SOX5: variants seen among roughly 807,000 people sequenced by gnomAD.
SOX5 encodes the protein SRY-box transcription factor 5.
A neutral mutation model predicts 92.0 loss-of-function variants in SOX5; 9 were observed. That is an observed-to-expected ratio of 0.10 (90% CI 0.06 to 0.17). The LOEUF is 0.17. Ranked by LOEUF, SOX5 falls within the 10% of genes least tolerant of loss-of-function variation. The pLI, the probability that SOX5 is intolerant of heterozygous loss-of-function variation, is 1.00. For missense variants in SOX5, 642 were observed against 944.5 expected, an observed-to-expected ratio of 0.68 and a Z score of 4.20; for synonymous variants, 344 against 336.3, an observed-to-expected ratio of 1.02 and a Z score of -0.25.
intron 1 of SOX5, among the ~76,000 whole-genome samples, chr12:24,540,950 T>C (rs1952068929): frequency 6.6e-6 from 1 of 152,184 alleles, no homozygotes; most frequent in Non-Finnish European, 1.5e-5. Context: ...TTGCAAAATA[T>C]CATATATAAT....
At chr12:24,336,440 T>A (rs191938137) in intron 2 of SOX5, among the ~76,000 whole-genome samples, 3 of 152,098 alleles carry the variant, frequency 2.0e-5, no homozygotes. Context: ...CATCAGACAA[T>A]CATTCAACAC....
chr12:24,187,671 C>T (rs563537773), intron 4 of SOX5, among the ~76,000 whole-genome samples: 1 of 152,272 alleles, frequency 6.6e-6, no homozygotes, highest in Non-Finnish European at 1.5e-5. Flanking sequence ...TATTATCACC[C>T]CTTCCTAACA....
intron 4 of SOX5, among the ~76,000 whole-genome samples, chr12:24,057,785 C>T (rs11047241): frequency 0.27 from 40,803 of 151,974 alleles, 5,978 homozygotes; most frequent in African/African-American, 0.35. Flanking sequence ...TTGGAAAAAG[C>T]ATGTCAATAG....
intron 2 of SOX5, among the ~76,000 whole-genome samples, chr12:24,310,240 A>C (rs1949041669): frequency 6.6e-6 from 1 of 152,190 alleles, no homozygotes; most frequent in Non-Finnish European, 1.5e-5. Flanking sequence ...TCAGGTGCAA[A>C]ATCACGGATA....
chr12:23,923,417 T>C (rs1939039937), intron 1 of SOX5, among the ~76,000 whole-genome samples: 1 of 152,112 alleles, frequency 6.6e-6, no homozygotes, highest in Non-Finnish European at 1.5e-5. Context: ...AGGTAGGGAA[T>C]CGGTAGACAA....
In SOX5 at chr12:23,981,920, T is replaced by A. The variant is rs377082591; in HGVS notation, c.-1-85896A>T. 1.2e-4 allele frequency among the ~76,000 whole-genome samples: 18 copies of A among 152,288 alleles called. 1 individual carries two copies. In the East Asian group the frequency reaches 3.3e-3, roughly 28 times the overall value. On this transcript the variant is annotated intron_variant, in intron 4 of 4. Transcript: ENST00000446891. ...CACACTGATATGTGAAAATATTGCA[T>A]GTGTCATTGTAATATTTATGGCAAT... is the stretch of plus-strand genomic sequence containing the variant.
intron 9 of SOX5, among the ~76,000 whole-genome samples, chr12:23,592,806 C>T (rs61923843): frequency 0.088 from 13,441 of 152,102 alleles, 859 homozygotes; most frequent in Admixed American, 0.2. Flanking sequence ...GGGCTGGGCG[C>T]GGTGGCTCAT....
At chr12:24,095,128 C>CACAGAGAGAG (rs1345578614) in intron 4 of SOX5, among the ~76,000 whole-genome samples, 6 of 90,214 alleles carry the variant, frequency 6.7e-5, no homozygotes, top group African/African-American at 2.7e-4. Context: ...CACACACACA[C>CACAGAGAGAG]AGAGAGAGAG....
rs138372231 is a variant in SOX5 at position 23,811,234 on chromosome 12, A to G, written c.481+34749T>C. Reference sequence around the variant, plus strand: ...AATATAAAGATTATTCACCCCCTACACAGAGGAATATTTTGGCCTAATATT... The same window carrying G: ...AATATAAAGATTATTCACCCCCTACGCAGAGGAATATTTTGGCCTAATATT... On this transcript the variant is annotated intron_variant, in intron 3 of 14. Coordinates refer to ENST00000451604, the MANE Select transcript of SOX5 (RefSeq NM_006940.6). 6.4e-3 allele frequency among the ~76,000 whole-genome samples: 972 copies of G among 152,258 alleles called. 12 individuals are homozygous for G. The highest frequency in any genetic ancestry group is 0.022 in the African/African-American group (925 of 41,574).
intron 2 of SOX5, among the ~76,000 whole-genome samples, chr12:24,308,308 T>A (rs1565876009): frequency 6.6e-6 from 1 of 152,208 alleles, no homozygotes; most frequent in Non-Finnish European, 1.5e-5. Flanking sequence ...ACCCGGGAAG[T>A]ATATGCCAAC....
At chr12:23,768,879 T>A (rs1381558625) in intron 3 of SOX5, among the ~76,000 whole-genome samples, 1 of 152,146 alleles carries the variant, frequency 6.6e-6, no homozygotes, top group African/African-American at 2.4e-5. Context: ...GTTTCATTTC[T>A]AAAGAAAGAA....
At chr12:24,018,649 T>C (rs1284212592) in intron 4 of SOX5, among the ~76,000 whole-genome samples, 1 of 151,982 alleles carries the variant, frequency 6.6e-6, no homozygotes, top group Non-Finnish European at 1.5e-5. Context: ...ATACAAAAAC[T>C]AGCTGGGCAT....
intron 1 of SOX5, among the ~76,000 whole-genome samples, chr12:23,903,536 T>C (rs138113444): frequency 2.0e-5 from 3 of 152,292 alleles, no homozygotes; most frequent in African/African-American, 7.2e-5. Flanking sequence ...TGAGCTATGA[T>C]AGTGCTTCTG....
At chr12:24,519,775 T>G (rs1950103877) in intron 1 of SOX5, among the ~76,000 whole-genome samples, 1 of 152,158 alleles carries the variant, frequency 6.6e-6, no homozygotes, top group African/African-American at 2.4e-5. Context: ...GTGAAATGAT[T>G]CGTACACATC....
chr12:24,050,227 A>G (rs567417470), intron 4 of SOX5, among the ~76,000 whole-genome samples: 6 of 152,220 alleles, frequency 3.9e-5, no homozygotes, highest in African/African-American at 1.4e-4. Flanking sequence ...CTCTCAAGGT[A>G]GAAAAATCAC....
intron 2 of SOX5, among the ~76,000 whole-genome samples, chr12:24,346,911 G>T (rs556572559): frequency 6.6e-6 from 1 of 152,214 alleles, no homozygotes; most frequent in African/African-American, 2.4e-5. Flanking sequence ...ACAGCACTAG[G>T]AGATATACCT....
At chr12:23,721,342 C>T (rs1194235094) in intron 6 of SOX5, among the ~76,000 whole-genome samples, 1 of 152,102 alleles carries the variant, frequency 6.6e-6, no homozygotes, top group Non-Finnish European at 1.5e-5. Context: ...GCCTCAGCCT[C>T]CCAAAGCGCT....
intron 1 of SOX5, among the ~76,000 whole-genome samples, chr12:24,379,383 A>C: frequency 6.6e-6 from 1 of 152,188 alleles, no homozygotes; most frequent in East Asian, 1.9e-4. Flanking sequence ...TACGTATTTC[A>C]ATCATTCTGA....
At chr12:24,059,588 G>A (rs2137250559) in intron 4 of SOX5, among the ~76,000 whole-genome samples, 1 of 152,132 alleles carries the variant, frequency 6.6e-6, no homozygotes, top group East Asian at 1.9e-4. Flanking sequence ...CTCAGCAGGT[G>A]TGTGTGTGTG....
Sources: allele counts gnomAD v4.1 joint callset (sites outside exome capture counted in the v4.1 genomes callset), GRCh38; gene constraint gnomAD v4.1.1; transcripts MANE v1.5; gene names NCBI Gene and HGNC (gene_info 2026-07-23, HGNC 2026-07-21).